NRK: variants seen among roughly 807,000 people sequenced by gnomAD.
NRK encodes nik-related protein kinase.
NRK carries 67 observed loss-of-function variants against 125.2 expected under a neutral mutation model. That is an observed-to-expected ratio of 0.54 (90% CI 0.44 to 0.66). NRK has a LOEUF of 0.66. NRK is among the 30% of genes least tolerant of loss of function. The pLI, the probability that NRK is intolerant of heterozygous loss-of-function variation, is 0.00. For missense variants in NRK, 1,224 were observed against 1,192.9 expected (o/e 1.03, Z -0.38); for synonymous variants, 458 against 429.0 (o/e 1.07, Z -0.84).
chrX:105,923,418 G>T lies in NRK; in HGVS notation c.2911G>T (p.Asp971Tyr). 1 of 1,141,175 alleles carries T rather than the reference G, an allele frequency of 8.8e-7. No individual in the cohort carries two copies. Among genetic ancestry groups the T allele is most frequent in the South Asian group, 1.9e-5 (1 of 51,562 alleles). 94.0% of individuals were successfully genotyped at this position (1,141,175 alleles called of 1,213,427 possible). The change falls in exon 18 of 29, where the codon GAT becomes TAT. Residue 971 changes from aspartate to tyrosine, a missense_variant. Physicochemically the swap from Asp to Tyr is radical, Grantham distance 160. Coordinates refer to ENST00000243300, the MANE Select transcript of NRK (RefSeq NM_198465.4). ...QANDVCKDHD[D>Y]DNNKFVDDVN... ...TAATGATGTTTGTAAAGACCATGAT[G>T]ATGACAACAATAAGTTTGTTGATGA...
At chrX:105,836,104 T>C (rs1029590266) in intron 2 of NRK, among the ~76,000 whole-genome samples, 1 of 112,049 alleles carries the variant, frequency 8.9e-6, no homozygotes, top group Non-Finnish European at 1.9e-5. Context: ...GTGCTTGTCT[T>C]TCTCCAGACC....
At chrX:105,853,788 T>G (rs182337748) in intron 2 of NRK, among the ~76,000 whole-genome samples, 1 of 112,362 alleles carries the variant, frequency 8.9e-6, no homozygotes, top group Non-Finnish European at 1.9e-5. Flanking sequence ...CTTCGCAAAT[T>G]AATATAAGCA....
chrX:105,827,300 CA>C (rs1224336312), intron 1 of NRK, among the ~76,000 whole-genome samples: 1 of 112,240 alleles, frequency 8.9e-6, no homozygotes, highest in Non-Finnish European at 1.9e-5. Context: ...CTGTCTCCTT[CA>C]AGGTACTGTG....
rs2039870424 is a variant in NRK, at chrX:105,880,393, TATC to T, written c.180+141_180+143del. On this transcript the variant is annotated intron_variant, in intron 3 of 28. Coordinates refer to ENST00000243300, the MANE Select transcript of NRK (RefSeq NM_198465.4). ...TACATCAATCTGGATTTATTATAGT[TATC>T]ATTTAATATTACTTTTATTCATTAG... 1.5e-5 allele frequency: 4 copies of T among 270,760 alleles called. No homozygotes were observed. The East Asian group carries it at 1.8e-4, about 12-fold the overall frequency. The allele number at this position is 270,760 out of a possible 1,213,427, so 22.3% of individuals were successfully genotyped here.
At position 105,831,118 on chromosome X, in the gene NRK, T is replaced by C; in HGVS notation, c.122T>C (p.Leu41Ser). The change falls in exon 2 of 29, where the codon TTG becomes TCG. Residue 41 changes from leucine to serine, a missense_variant and splice_region_variant. By Grantham distance (145) the Leu-to-Ser change is moderately radical (BLOSUM62 -2). Transcript: ENST00000243300. Reference protein sequence around the residue: ...IGLGTYGRIYLGLHEKTGAFT... With the variant: ...IGLGTYGRIYSGLHEKTGAFT... ...CTTGGTACTTATGGCAGAATCTATT[T>C]GGTAAGTTGACTTACATTATTTATT... The C allele has an allele frequency of 1.8e-6, 2 of 1,087,998 alleles. No individual in the cohort carries two copies. The highest frequency in any genetic ancestry group is 2.5e-6 in the Non-Finnish European group (2 of 787,773). The allele number at this position is 1,087,998 out of a possible 1,213,427, so 89.7% of individuals were successfully genotyped here.
At position 105,923,451 on chromosome X, in the gene NRK, A is replaced by G; in HGVS notation, c.2944A>G (p.Asn982Asp). The G allele has an allele frequency of 8.8e-7, 1 of 1,142,308 alleles. No homozygotes were observed. The allele number at this position is 1,142,308 out of a possible 1,213,427, so 94.1% of individuals were successfully genotyped here. The stretch of plus-strand genomic sequence containing the variant: ...CAATAAGTTTGTTGATGATGTAAAT[A>G]ATAATTATTATGAGGCGCCTAGTTG... Reference protein sequence around the residue: ...DNNKFVDDVNNNYYEAPSCPR... With the variant: ...DNNKFVDDVNDNYYEAPSCPR... The change falls in exon 18 of 29, where the codon AAT becomes GAT. Residue 982 changes from asparagine to aspartate, a missense_variant. Coordinates refer to ENST00000243300, the MANE Select transcript of NRK (RefSeq NM_198465.4).
At chrX:105,878,140 G>C (rs1271670544) in intron 2 of NRK, among the ~76,000 whole-genome samples, 1 of 110,605 alleles carries the variant, frequency 9.0e-6, no homozygotes, top group Non-Finnish European at 1.9e-5. Flanking sequence ...TACAGATGTG[G>C]AAAAAATTTT....
chrX:105,940,577 G>T (rs1408850993), intron 23 of NRK, among the ~76,000 whole-genome samples: 1 of 111,092 alleles, frequency 9.0e-6, no homozygotes, highest in East Asian at 2.8e-4. Context: ...TGATATTAAT[G>T]AATATAATCA....
At chrX:105,874,387 A>G (rs758945422) in intron 2 of NRK, among the ~76,000 whole-genome samples, 5 of 112,206 alleles carry the variant, frequency 4.5e-5, no homozygotes, top group African/African-American at 1.3e-4. Context: ...CAGCAAATTT[A>G]AGTCTCAGGT....
In NRK at chrX:105,937,218, A is replaced by T. The variant is rs966941419; in HGVS notation, c.3656-221A>T. On this transcript the variant is annotated intron_variant, in intron 21 of 28. Coordinates refer to ENST00000243300, the MANE Select transcript of NRK (RefSeq NM_198465.4). ...TACATAGTTACACAGTATGAGGTGA[A>T]TATAGCCTAAACTGATAAGTCATCT... Among the ~76,000 whole-genome samples, 3 of 110,271 alleles carry T rather than the reference A, an allele frequency of 2.7e-5. No individual in the cohort carries two copies. In the East Asian group the frequency reaches 8.5e-4, roughly 31 times the overall value.
chrX:105,938,253 G>C (rs2040691227), intron 22 of NRK, among the ~76,000 whole-genome samples: 1 of 111,088 alleles, frequency 9.0e-6, no homozygotes, highest in Admixed American at 9.6e-5. Flanking sequence ...AAGAAAATAT[G>C]GTTTGTCTAT....
intron 9 of NRK, among the ~76,000 whole-genome samples, chrX:105,904,227 A>AT: frequency 8.9e-6 from 1 of 111,983 alleles, no homozygotes; most frequent in East Asian, 2.8e-4. Flanking sequence ...TCCATTGGGG[A>AT]TTTTTTGCAC....
At chrX:105,827,527 T>C (rs1215163727) in intron 1 of NRK, among the ~76,000 whole-genome samples, 1 of 111,621 alleles carries the variant, frequency 9.0e-6, no homozygotes, top group African/African-American at 3.3e-5. Context: ...TTCCTTCCAG[T>C]TACTCCCATC....
intron 9 of NRK, 140 bp from the exon 10 acceptor site, chrX:105,905,125 C>T: frequency 2.3e-6 from 1 of 436,546 alleles, no homozygotes; most frequent in Admixed American, 3.9e-5. Flanking sequence ...TTTTGAAATA[C>T]ATTCTTTTGT....
intron 11 of NRK, 113 bp from the exon 12 acceptor site, chrX:105,908,127 C>T: frequency 2.4e-6 from 1 of 425,027 alleles, no homozygotes; most frequent in Non-Finnish European, 3.9e-6. Context: ...TACCTTCTTG[C>T]CCTTGTAATT....
chrX:105,877,306 A>G (rs1033023757), intron 2 of NRK, among the ~76,000 whole-genome samples: 2 of 111,912 alleles, frequency 1.8e-5, no homozygotes, highest in Non-Finnish European at 3.8e-5. Flanking sequence ...GGAGAAGTTT[A>G]AGAAGACATG....
intron 2 of NRK, among the ~76,000 whole-genome samples, chrX:105,878,265 G>T (rs1430713787): frequency 9.1e-6 from 1 of 110,188 alleles, no homozygotes; most frequent in East Asian, 2.9e-4. Context: ...AAATTTGAAG[G>T]GTATCCAACA....
chrX:105,851,007 G>A (rs1019730446), intron 2 of NRK, among the ~76,000 whole-genome samples: 2 of 112,043 alleles, frequency 1.8e-5, no homozygotes, highest in African/African-American at 6.5e-5. Context: ...TTTTCATGCT[G>A]CTGATTAAGA....
chrX:105,913,683 T>C (rs1483079995), intron 14 of NRK, among the ~76,000 whole-genome samples: 2 of 111,528 alleles, frequency 1.8e-5, no homozygotes, highest in African/African-American at 6.5e-5. Flanking sequence ...TACCCAGAGT[T>C]TAAATAATCA....
Sources: gnomAD v4.1 joint callset for allele counts (sites outside exome capture counted in the v4.1 genomes callset) on GRCh38, gnomAD v4.1.1 for gene constraint, MANE v1.5 for transcripts, NCBI Gene and HGNC (gene_info 2026-07-23, HGNC 2026-07-21) for gene names.